SNTG1: variants seen among roughly 807,000 people sequenced by gnomAD.
SNTG1 encodes the protein syntrophin gamma 1.
SNTG1 carries 39 observed loss-of-function variants against 74.7 expected under a neutral mutation model. The ratio of observed to expected loss-of-function variants is 0.52; its 90% CI spans 0.40 to 0.68. The LOEUF (loss-of-function observed/expected upper bound fraction) is 0.68. Ranked by LOEUF, SNTG1 falls within the 30% of genes least tolerant of loss-of-function variation. The pLI is 0.00. For synonymous variants in SNTG1, 254 were observed against 217.1 expected, an observed-to-expected ratio of 1.17 and a Z score of -1.49; for missense variants, 685 against 609.5, an observed-to-expected ratio of 1.12 and a Z score of -1.30.
intron 18 of SNTG1, among the ~76,000 whole-genome samples, chr8:50,783,320 C>A (rs899060591): frequency 5.9e-5 from 9 of 152,224 alleles, no homozygotes; most frequent in African/African-American, 2.2e-4. Context: ...TAGAGGCAGG[C>A]AGGCCTCCTT....
At chr8:50,660,600 T>G (rs1318933288) in intron 15 of SNTG1, among the ~76,000 whole-genome samples, 1 of 152,082 alleles carries the variant, frequency 6.6e-6, no homozygotes, top group Non-Finnish European at 1.5e-5. Context: ...TAATACAACT[T>G]TTATCATAGT....
At chr8:50,208,273 A>T (rs1266486210) in intron 2 of SNTG1, among the ~76,000 whole-genome samples, 1 of 152,196 alleles carries the variant, frequency 6.6e-6, no homozygotes, top group Non-Finnish European at 1.5e-5. Flanking sequence ...ATATATATTT[A>T]GGATAGTTAG....
chr8:50,113,680 T>A (rs1414693142), intron 1 of SNTG1, among the ~76,000 whole-genome samples: 1 of 152,214 alleles, frequency 6.6e-6, no homozygotes, highest in Non-Finnish European at 1.5e-5. Context: ...AAGGGAATGC[T>A]TCCAGTTTTT....
At chr8:49,953,895 G>A (rs1237536399) in intron 1 of SNTG1, among the ~76,000 whole-genome samples, 1 of 152,140 alleles carries the variant, frequency 6.6e-6, no homozygotes, top group East Asian at 1.9e-4. Context: ...ATTTTATGTA[G>A]TAATTGCATA....
chr8:50,203,474 T>A (rs1413951158), intron 2 of SNTG1, among the ~76,000 whole-genome samples: 1 of 152,138 alleles, frequency 6.6e-6, no homozygotes, highest in Non-Finnish European at 1.5e-5. Flanking sequence ...ATATTTTTTC[T>A]TGTTGTAAGG....
chr8:50,041,535 C>T (rs1818639290), intron 1 of SNTG1, among the ~76,000 whole-genome samples: 1 of 152,140 alleles, frequency 6.6e-6, no homozygotes, highest in African/African-American at 2.4e-5. Flanking sequence ...CGGAATTGAG[C>T]TCAGTAGAAC....
intron 8 of SNTG1, among the ~76,000 whole-genome samples, chr8:50,476,473 A>T (rs934662318): frequency 1.3e-5 from 2 of 152,176 alleles, no homozygotes; most frequent in Non-Finnish European, 2.9e-5. Context: ...TTGAACTATT[A>T]AAACATACTG....
At chr8:50,076,326 G>A (rs1328689418) in intron 1 of SNTG1, among the ~76,000 whole-genome samples, 2 of 152,118 alleles carry the variant, frequency 1.3e-5, no homozygotes, top group Non-Finnish European at 2.9e-5. Flanking sequence ...TCTTTTGTGA[G>A]TTGGTTTATG....
intron 1 of SNTG1, among the ~76,000 whole-genome samples, chr8:50,003,395 C>T (rs552363930): frequency 6.6e-6 from 1 of 152,016 alleles, no homozygotes; most frequent in Admixed American, 6.6e-5. Context: ...TTACAGTGGT[C>T]TTATGTGAAA....
chr8:50,171,623 C>T (rs930851971), intron 1 of SNTG1, among the ~76,000 whole-genome samples: 2 of 152,208 alleles, frequency 1.3e-5, no homozygotes, highest in African/African-American at 4.8e-5. Context: ...ATTAAGTTGA[C>T]ACTGAGTGTT....
At chr8:50,381,728 C>T (rs2092487402) in intron 2 of SNTG1, among the ~76,000 whole-genome samples, 1 of 118,178 alleles carries the variant, frequency 8.5e-6, no homozygotes, top group Admixed American at 9.3e-5. Context: ...ATATATATAT[C>T]CTATTAGTTA....
At chr8:50,459,692 A>G (rs2093542399) in intron 8 of SNTG1, among the ~76,000 whole-genome samples, 1 of 152,088 alleles carries the variant, frequency 6.6e-6, no homozygotes, top group Non-Finnish European at 1.5e-5. Flanking sequence ...CTCCTGCCTC[A>G]GTGTCTATTG....
intron 10 of SNTG1, among the ~76,000 whole-genome samples, chr8:50,533,823 A>G (rs980554293): frequency 5.9e-5 from 9 of 152,186 alleles, no homozygotes; most frequent in Non-Finnish European, 7.4e-5. Context: ...ATGCCACAAG[A>G]AAGAATGTCA....
chr8:50,007,803 T>C (rs1194531652), intron 1 of SNTG1, among the ~76,000 whole-genome samples: 3 of 152,108 alleles, frequency 2.0e-5, no homozygotes, highest in South Asian at 4.1e-4. Flanking sequence ...CTACTTGAGA[T>C]TGGGTAATTT....
intron 2 of SNTG1, among the ~76,000 whole-genome samples, chr8:50,361,670 G>A (rs938044129): frequency 6.6e-6 from 1 of 151,888 alleles, no homozygotes; most frequent in African/African-American, 2.4e-5. Context: ...AATTTTTTTT[G>A]GGGGAGGTCA....
At chr8:50,474,753 T>A (rs146974837) in intron 8 of SNTG1, among the ~76,000 whole-genome samples, 8,194 of 152,198 alleles carry the variant, frequency 0.054, 333 homozygotes, top group South Asian at 0.18. Context: ...TTATAAATCA[T>A]GCTGCTATAA....
chr8:50,618,196 A>G (rs914499198), intron 13 of SNTG1, among the ~76,000 whole-genome samples: 1 of 152,240 alleles, frequency 6.6e-6, no homozygotes, highest in Non-Finnish European at 1.5e-5. Flanking sequence ...AGAAACAACC[A>G]GTACCACTAC....
intron 1 of SNTG1, among the ~76,000 whole-genome samples, chr8:50,028,490 G>A (rs1203850379): frequency 6.6e-6 from 1 of 151,696 alleles, no homozygotes; most frequent in Non-Finnish European, 1.5e-5. Context: ...GCCATTGCTA[G>A]GTGATATGGC....
chr8:50,438,754 GAATTCCTGCA>G (rs34691586), intron 5 of SNTG1, among the ~76,000 whole-genome samples, 155 bp downstream of exon 5: 1,662 of 152,284 alleles, frequency 0.011, 29 homozygotes, highest in African/African-American at 0.036. Context: ...GGTTCTCACA[GAATTCCTGCA>G]AACTCTTACC....
Sources: gnomAD v4.1 joint callset for allele counts (sites outside exome capture counted in the v4.1 genomes callset) on GRCh38, gnomAD v4.1.1 for gene constraint, MANE v1.5 for transcripts, NCBI Gene and HGNC (gene_info 2026-07-23, HGNC 2026-07-21) for gene names.